MRPL34: variants seen among roughly 807,000 people sequenced by gnomAD.
MRPL34 encodes the protein mitochondrial ribosomal protein L34.
Under a neutral mutation model 6.7 loss-of-function variants are expected in MRPL34, and 8 were observed. The ratio of observed to expected loss-of-function variants is 1.20; its 90% CI spans 0.70 to 2.16. The LOEUF (loss-of-function observed/expected upper bound fraction) is 2.16, where lower values mean the gene tolerates loss of function less well. MRPL34 is among the 30% of genes most tolerant of loss of function. MRPL34 has a pLI of 0.00. For missense variants in MRPL34, 146 were observed against 125.5 expected, an observed-to-expected ratio of 1.16 and a Z score of -0.78; for synonymous variants, 59 against 55.1, an observed-to-expected ratio of 1.07 and a Z score of -0.31.
At chr19:17,301,129 T>C (rs764146908), upstream of MRPL34, 4 of 1,612,900 alleles carry the variant, frequency 2.5e-6, no homozygotes, top group African/African-American at 5.3e-5. Flanking sequence ...GATGCGCTTC[T>C]CACAGTCAAT....
chr19:17,301,714 GT>G, upstream of MRPL34: 1 of 1,390,126 alleles, frequency 7.2e-7, no homozygotes, highest in African/African-American at 1.5e-5. Context: ...TGGGAGAACT[GT>G]TTTAGACTCC....
upstream of MRPL34, chr19:17,301,409 C>T (rs3745186): frequency 0.081 from 130,829 of 1,611,886 alleles, 6,694 homozygotes; most frequent in African/African-American, 0.23. Flanking sequence ...GAGAGGTCCC[C>T]CTGGGCTGCA....
At chr19:17,301,727 G>A (rs1406763691), upstream of MRPL34, 1 of 1,338,212 alleles carries the variant, frequency 7.5e-7, no homozygotes, top group Non-Finnish European at 9.7e-7. Flanking sequence ...TTAGACTCCA[G>A]TTTGGGGAGC....
chr19:17,301,283 C>T, upstream of MRPL34: 1 of 1,606,244 alleles, frequency 6.2e-7, no homozygotes, highest in Non-Finnish European at 8.5e-7. Flanking sequence ...GCCGGCGGCT[C>T]CCCAGAGCCA....
intron 1 of MRPL34, chr19:17,297,698 A>G (rs891885866): frequency 1.3e-5 from 2 of 151,406 alleles, no homozygotes; most frequent in Non-Finnish European, 1.5e-5. Context: ...CTCTCAGTCT[A>G]GATTCCTTTC....
chr19:17,294,277 C>T, intron 1 of MRPL34: 1 of 1,594,390 alleles, frequency 6.3e-7, no homozygotes. Context: ...GCCCCAGGTG[C>T]CCGCCTCTAC....
chr19:17,300,707 A>G (rs2074113355), upstream of MRPL34: 7 of 1,035,904 alleles, frequency 6.8e-6, no homozygotes, highest in Non-Finnish European at 9.7e-6. Context: ...CGAACTCCCA[A>G]CCTCAGGTGA....
chr19:17,293,507 C>T (rs2074080154), intron 1 of MRPL34, among the ~76,000 whole-genome samples: 1 of 151,802 alleles, frequency 6.6e-6, no homozygotes, highest in Non-Finnish European at 1.5e-5. Context: ...GTGGGGGCTG[C>T]TATCCTGTGC....
At chr19:17,301,155 GGGGC>G (rs758982389), upstream of MRPL34, 1 of 1,611,290 alleles carries the variant, frequency 6.2e-7, no homozygotes, top group African/African-American at 1.3e-5. Context: ...TGGTCCTCTT[GGGGC>G]GCCTGGCTCG....
chr19:17,295,166 C>T (rs1207215901), intron 1 of MRPL34, among the ~76,000 whole-genome samples: 2 of 132,080 alleles, frequency 1.5e-5, no homozygotes, highest in African/African-American at 5.8e-5. Flanking sequence ...ACTGCAGTGG[C>T]GCAATCTCGG....
intron 1 of MRPL34, chr19:17,292,924 A>T: frequency 7.4e-7 from 1 of 1,360,408 alleles, no homozygotes. Context: ...CATGGCCCAC[A>T]GCATCCAAAA....
chr19:17,301,207 C>G (rs774320476), upstream of MRPL34: 5 of 1,600,208 alleles, frequency 3.1e-6, no homozygotes, highest in Admixed American at 8.5e-5. Context: ...GCTGCCGCTG[C>G]CTGCGCTGCC....
intron 1 of MRPL34, among the ~76,000 whole-genome samples, chr19:17,297,303 G>GT (rs901414762): frequency 2.0e-5 from 3 of 151,576 alleles, no homozygotes; most frequent in Non-Finnish European, 2.9e-5. Context: ...TTGTTTTTTT[G>GT]TTTTTTTCTC....
At position 17,306,244 on chromosome 19, in the gene MRPL34, T is replaced by A; in HGVS notation, c.144T>A (p.Ala48=). 1.3e-6 allele frequency: 2 copies of A among 1,585,742 alleles called. No homozygotes were observed. The highest frequency in any genetic ancestry group is 1.7e-6 in the Non-Finnish European group (2 of 1,166,680). The part of the protein sequence containing the change: ...LPTPQQARGK[A]RGNEYQPSNI... ...CCCCGCAGCAGGCCCGGGGCAAGGC[T>A]CGCGGGAATGAGTATCAGCCGAGCA... is the stretch of plus-strand genomic sequence containing the variant. The change falls in exon 2 of 2, where the codon GCT becomes GCA. Residue 48 remains alanine (A), a synonymous_variant. Transcript: ENST00000252602.
At chr19:17,300,068 C>T (rs2074110709), upstream of MRPL34, among the ~76,000 whole-genome samples, 1 of 151,544 alleles carries the variant, frequency 6.6e-6, no homozygotes, top group Non-Finnish European at 1.5e-5. Flanking sequence ...CCACACCCAG[C>T]TAATTTTTTG....
At chr19:17,305,794 TAGGA>T, upstream of MRPL34, 1 of 1,284,300 alleles carries the variant, frequency 7.8e-7, no homozygotes, top group Admixed American at 1.7e-5. Flanking sequence ...TTTTGCACGT[TAGGA>T]GAAACTACAT....
At chr19:17,299,030 C>T (rs1414627024), upstream of MRPL34, among the ~76,000 whole-genome samples, 3 of 152,176 alleles carry the variant, frequency 2.0e-5, no homozygotes, top group Non-Finnish European at 4.4e-5. Flanking sequence ...GCGTAAGCCA[C>T]TGCACCTGGC....
upstream of MRPL34, among the ~76,000 whole-genome samples, chr19:17,299,624 C>T (rs373252990): frequency 4.0e-5 from 6 of 149,920 alleles, no homozygotes; most frequent in Admixed American, 1.3e-4. Flanking sequence ...AGTCCTAGCA[C>T]TTTGGGAGGC....
At chr19:17,294,317 G>A (rs998316977) in intron 1 of MRPL34, 2 of 1,609,150 alleles carry the variant, frequency 1.2e-6, no homozygotes, top group Admixed American at 1.7e-5. Flanking sequence ...TCCTCCACCG[G>A]CACAAACTTA....
Sources: gnomAD v4.1 joint callset for allele counts (sites outside exome capture counted in the v4.1 genomes callset) on GRCh38, gnomAD v4.1.1 for gene constraint, MANE v1.5 for transcripts, NCBI Gene and HGNC (gene_info 2026-07-23, HGNC 2026-07-21) for gene names.